The following ROBO1 variants were observed in gnomAD, a reference collection of about 807,000 sequenced individuals.
ROBO1 encodes roundabout homolog 1.
Under a neutral mutation model 195.9 loss-of-function variants are expected in ROBO1, and 149 were observed. The ratio of observed to expected loss-of-function variants is 0.76; its 90% CI spans 0.67 to 0.87. ROBO1 has a LOEUF of 0.87. Ranked by LOEUF, ROBO1 falls within the 40% of genes least tolerant of loss-of-function variation. The pLI is 0.00. For missense variants in ROBO1, 1,933 were observed against 2,068.3 expected, an observed-to-expected ratio of 0.93 and a Z score of 1.27; for synonymous variants, 816 against 733.2, an observed-to-expected ratio of 1.11 and a Z score of -1.82.
chr3:79,012,676 T>A (rs979389365), intron 3 of ROBO1, among the ~76,000 whole-genome samples: 12 of 152,130 alleles, frequency 7.9e-5, no homozygotes, highest in Admixed American at 5.2e-4. Context: ...ATCACAGAAG[T>A]AAGAGGATTT....
chr3:78,984,244 A>C (rs2077057135), intron 3 of ROBO1, among the ~76,000 whole-genome samples: 1 of 152,104 alleles, frequency 6.6e-6, no homozygotes, highest in African/African-American at 2.4e-5. Context: ...ATCCACTTTA[A>C]AGAAAGGGAA....
At chr3:79,609,016 G>A (rs958426332) in intron 1 of ROBO1, among the ~76,000 whole-genome samples, 26 of 151,792 alleles carry the variant, frequency 1.7e-4, no homozygotes, top group Non-Finnish European at 1.6e-4. Flanking sequence ...CTTAGCATTC[G>A]TCCCATTTGT....
At chr3:79,676,187 A>G (rs1225175106) in intron 1 of ROBO1, among the ~76,000 whole-genome samples, 2 of 152,064 alleles carry the variant, frequency 1.3e-5, no homozygotes, top group Non-Finnish European at 2.9e-5. Flanking sequence ...TGACTTTGAG[A>G]AAATAACTCC....
At chr3:79,516,338 T>C (rs1459719529) in intron 2 of ROBO1, among the ~76,000 whole-genome samples, 1 of 152,154 alleles carries the variant, frequency 6.6e-6, no homozygotes, top group Non-Finnish European at 1.5e-5. Flanking sequence ...TTCACAGCTC[T>C]CAATTTACCT....
At chr3:78,746,945 C>G in intron 4 of ROBO1, 45 bp from the exon 5 acceptor site, 2 of 1,299,596 alleles carry the variant, frequency 1.5e-6, no homozygotes, top group Non-Finnish European at 2.0e-6. Flanking sequence ...GTGATAGATA[C>G]AGTCCTAATC....
chr3:79,231,816 T>C (rs1322873453), intron 2 of ROBO1, among the ~76,000 whole-genome samples: 3 of 152,046 alleles, frequency 2.0e-5, no homozygotes, highest in Admixed American at 6.6e-5. Flanking sequence ...TCAGCCTATA[T>C]TGCCCATCAA....
chr3:79,166,684 G>A (rs2081072996), intron 2 of ROBO1, among the ~76,000 whole-genome samples: 2 of 151,440 alleles, frequency 1.3e-5, no homozygotes, highest in Non-Finnish European at 2.9e-5. Flanking sequence ...TCCTGCCTCA[G>A]CCTCCCGACC....
intron 4 of ROBO1, among the ~76,000 whole-genome samples, chr3:78,747,118 A>T (rs2082676859): frequency 6.6e-6 from 1 of 152,192 alleles, no homozygotes. Context: ...TATTCTTCAG[A>T]GGCCAGCAGG....
intron 2 of ROBO1, among the ~76,000 whole-genome samples, chr3:79,466,288 C>T (rs529594996): frequency 1.6e-4 from 24 of 152,164 alleles, no homozygotes; most frequent in Non-Finnish European, 3.2e-4. Context: ...TCTAAATGGC[C>T]ATATGAATCT....
chr3:78,757,316 A>C (rs1417606752), intron 4 of ROBO1, among the ~76,000 whole-genome samples: 3 of 152,202 alleles, frequency 2.0e-5, no homozygotes, highest in African/African-American at 7.2e-5. Flanking sequence ...ACACAACCTG[A>C]AACAGATGTT....
At chr3:78,737,370 G>T (rs1244685355) in intron 5 of ROBO1, among the ~76,000 whole-genome samples, 1 of 152,084 alleles carries the variant, frequency 6.6e-6, no homozygotes, top group East Asian at 1.9e-4. Flanking sequence ...AGATTTAGAT[G>T]ACTAAATATA....
intron 2 of ROBO1, among the ~76,000 whole-genome samples, chr3:79,429,364 C>T (rs79147979): frequency 0.034 from 5,228 of 152,038 alleles, 206 homozygotes; most frequent in African/African-American, 0.098. Context: ...GCCAGGAAAA[C>T]GTGGAAGTAA....
At chr3:79,423,088 C>G (rs2038298665) in intron 2 of ROBO1, among the ~76,000 whole-genome samples, 1 of 152,026 alleles carries the variant, frequency 6.6e-6, no homozygotes, top group African/African-American at 2.4e-5. Flanking sequence ...TACTCAAAAT[C>G]AAACAGAATT....
intron 2 of ROBO1, among the ~76,000 whole-genome samples, chr3:79,550,802 T>G (rs904290442): frequency 1.3e-5 from 2 of 152,142 alleles, no homozygotes; most frequent in Non-Finnish European, 2.9e-5. Context: ...GAACTGGAAT[T>G]TGGAGATGTT....
intron 4 of ROBO1, among the ~76,000 whole-genome samples, chr3:78,862,862 T>C (rs2034935602): frequency 1.3e-5 from 2 of 152,194 alleles, no homozygotes; most frequent in African/African-American, 4.8e-5. Flanking sequence ...GTAACTCTGA[T>C]ACACCATTTC....
intron 5 of ROBO1, among the ~76,000 whole-genome samples, chr3:78,719,770 A>C (rs950964786): frequency 6.6e-5 from 10 of 152,160 alleles, no homozygotes; most frequent in African/African-American, 2.4e-4. Context: ...AGTGCTAGGT[A>C]ATTTAGAAAT....
intron 4 of ROBO1, among the ~76,000 whole-genome samples, chr3:78,908,617 T>C (rs2038066266): frequency 6.6e-6 from 1 of 151,944 alleles, no homozygotes; most frequent in African/African-American, 2.4e-5. Context: ...TTCCTCCCTT[T>C]TGGAGAAATA....
chr3:79,460,578 G>A (rs949305192), intron 2 of ROBO1, among the ~76,000 whole-genome samples: 1 of 152,016 alleles, frequency 6.6e-6, no homozygotes, highest in Non-Finnish European at 1.5e-5. Flanking sequence ...TATAGCATCA[G>A]ATAAAGCACT....
chr3:78,775,873 TCTGA>T (rs1344849977), intron 4 of ROBO1, among the ~76,000 whole-genome samples: 1 of 152,190 alleles, frequency 6.6e-6, no homozygotes, highest in African/African-American at 2.4e-5. Flanking sequence ...ATGGACAGAC[TCTGA>T]CTGACCAGTG....
Sources: gnomAD v4.1 joint callset for allele counts (sites outside exome capture counted in the v4.1 genomes callset) on GRCh38, gnomAD v4.1.1 for gene constraint, MANE v1.5 for transcripts, NCBI Gene and HGNC (gene_info 2026-07-23, HGNC 2026-07-21) for gene names.